HSPA4L: variants seen among roughly 807,000 people sequenced by gnomAD.
HSPA4L encodes heat shock 70 kDa protein 4L.
HSPA4L carries 48 observed loss-of-function variants against 100.3 expected under a neutral mutation model. The ratio of observed to expected loss-of-function variants is 0.48; its 90% CI spans 0.38 to 0.61. The LOEUF (loss-of-function observed/expected upper bound fraction) is 0.61, where lower values mean the gene tolerates loss of function less well. Ranked by LOEUF, HSPA4L falls within the 20% of genes least tolerant of loss-of-function variation. HSPA4L has a pLI of 0.00. For synonymous variants in HSPA4L, 319 were observed against 328.2 expected, an observed-to-expected ratio of 0.97 and a Z score of 0.30; for missense variants, 886 against 988.6, an observed-to-expected ratio of 0.90 and a Z score of 1.39.
At chr4:127,815,554 A>G (rs1340858136) in intron 12 of HSPA4L, among the ~76,000 whole-genome samples, 1 of 152,042 alleles carries the variant, frequency 6.6e-6, no homozygotes, top group Non-Finnish European at 1.5e-5. Flanking sequence ...CAAAGAAACT[A>G]TATGCTATTC....
At chr4:127,782,139 A>T (rs904425687), upstream of HSPA4L, 17 of 442,648 alleles carry the variant, frequency 3.8e-5, no homozygotes, top group South Asian at 1.3e-4. Flanking sequence ...AGCAGCCTCC[A>T]TTTTCCAGAT....
chr4:127,819,104 C>T (rs1467507233), intron 13 of HSPA4L, among the ~76,000 whole-genome samples: 1 of 152,050 alleles, frequency 6.6e-6, no homozygotes, highest in Non-Finnish European at 1.5e-5. Context: ...GTTAGCTGTA[C>T]TCTATATCTC....
chr4:127,831,501 T>TAA lies in HSPA4L; in HGVS notation c.2328+723_2328+724dup, dbSNP rs770152039. ...GGTGACAGAGCAAGACCTTGTCTAT[T>TAA]AAAAAAAAAAAAAAAAAAAAAAGGA... On this transcript the variant is annotated intron_variant, in intron 18 of 18. Coordinates refer to ENST00000296464, the MANE Select transcript of HSPA4L (RefSeq NM_014278.4). Among the ~76,000 whole-genome samples, 684 of 103,392 alleles carry TAA rather than the reference T, an allele frequency of 6.6e-3. 1 individual carries two copies. Among genetic ancestry groups the TAA allele is most frequent in the Non-Finnish European group, 0.011 (553 of 51,464 alleles). The allele number at this position is 103,392 out of a possible 152,430, so 67.8% of individuals were successfully genotyped here.
intron 11 of HSPA4L, among the ~76,000 whole-genome samples, chr4:127,810,713 C>G (rs1008078907): frequency 6.6e-6 from 1 of 152,118 alleles, no homozygotes; most frequent in Admixed American, 6.5e-5. Flanking sequence ...ACCTATGATC[C>G]TGCCACTGCA....
intron 4 of HSPA4L, among the ~76,000 whole-genome samples, chr4:127,800,355 C>T (rs1733141004): frequency 6.6e-6 from 1 of 152,016 alleles, no homozygotes; most frequent in South Asian, 2.1e-4. Flanking sequence ...GTAGTCTCAG[C>T]TACTCAGGGG....
chr4:127,782,243 G>A, upstream of HSPA4L: 1 of 402,820 alleles, frequency 2.5e-6, no homozygotes, highest in South Asian at 2.2e-5. Context: ...GGCGCGGAGC[G>A]GAGGCTCGCG....
intron 14 of HSPA4L, among the ~76,000 whole-genome samples, chr4:127,821,136 C>T (rs1733802557): frequency 6.6e-6 from 1 of 152,068 alleles, no homozygotes; most frequent in African/African-American, 2.4e-5. Context: ...GCTCAGCTGG[C>T]ATTAAAAGGT....
At position 127,820,443 on chromosome 4, in the gene HSPA4L, A is replaced by G; in HGVS notation, c.1690A>G (p.Lys564Glu). 6.3e-7 allele frequency: 1 copy of G among 1,597,568 alleles called. No individual in the cohort carries two copies. The highest frequency in any genetic ancestry group is 8.5e-7 in the Non-Finnish European group (1 of 1,174,862). Residue 564 changes from lysine (K) to glutamate (E), a missense_variant, in exon 14 of 19, where the codon AAA becomes GAA. Lys to Glu is a moderately conservative substitution (Grantham distance 56, BLOSUM62 1). Coordinates refer to ENST00000296464, the MANE Select transcript of HSPA4L (RefSeq NM_014278.4). Reference sequence around the variant, plus strand: ...GGATTTGCAGTCAGCTGTCTCAGACAAACAAGACCGATTAAATCAGACACT... The same window carrying G: ...GGATTTGCAGTCAGCTGTCTCAGACGAACAAGACCGATTAAATCAGACACT... ...GAKTKSAVSD[K>E]QDRLNQTLKK...
chr4:127,820,381 TTTTTAAGCTAA>T (rs1560667674), intron 13 of HSPA4L, 36 bp from the exon 14 acceptor site: 1 of 1,514,014 alleles, frequency 6.6e-7, no homozygotes, highest in Non-Finnish European at 8.9e-7. Flanking sequence ...CTTAAATCTA[TTTTTAAGCTAA>T]TTTTAGAAAT....
intron 12 of HSPA4L, among the ~76,000 whole-genome samples, chr4:127,812,073 A>G (rs1055603881): frequency 6.6e-6 from 1 of 152,150 alleles, no homozygotes. Context: ...GACATCTGAG[A>G]CAGTTAAGCA....
Position 127,834,178 on chromosome 4 carries a change from T to G in HSPA4L, c.*1304T>G, listed in dbSNP as rs1031399581. On this transcript the variant is annotated 3_prime_UTR_variant, in exon 19 of 19. Coordinates refer to ENST00000296464, the MANE Select transcript of HSPA4L (RefSeq NM_014278.4). ...GCTTAAGTATGGGAACAGACTGAAA[T>G]GGTGTTTCAACCTGCAAGAGACAGA... The G allele has an allele frequency of 1.1e-4, 17 of 152,142 alleles. No homozygotes were observed. Among genetic ancestry groups the G allele is most frequent in the African/African-American group, 3.6e-4 (15 of 41,444 alleles). 9.4% of individuals were successfully genotyped at this position (152,142 alleles called of 1,614,324 possible). A position where few individuals can be genotyped will look rare whatever the true frequency, so the allele number is the denominator to read the frequency against.
At chr4:127,824,217 C>T (rs1246413639) in intron 16 of HSPA4L, among the ~76,000 whole-genome samples, 1 of 152,158 alleles carries the variant, frequency 6.6e-6, no homozygotes, top group Admixed American at 6.6e-5. Context: ...TATATGCATA[C>T]CACGTTTTCT....
In HSPA4L at chr4:127,797,601, A is replaced by AT. The variant is rs1351025744; in HGVS notation, c.307-986_307-985insT. ...ATTTATTTCATCTAACTTTAAAAAAAATTTTTTTTTTTTTTTTTGAGACGG... is the reference window on the plus strand; with the variant it reads ...ATTTATTTCATCTAACTTTAAAAAAATATTTTTTTTTTTTTTTTTGAGACGG... On this transcript the variant is annotated intron_variant, in intron 3 of 18. Transcript: ENST00000296464. Among the ~76,000 whole-genome samples the AT allele has an allele frequency of 1.2e-3, 163 of 136,478 alleles. 1 individual carries two copies. The highest frequency in any genetic ancestry group is 4.6e-3 in the African/African-American group (150 of 32,950). The allele number at this position is 136,478 out of a possible 152,430, so 89.5% of individuals were successfully genotyped here. A position where few individuals can be genotyped will look rare whatever the true frequency, so the allele number is the denominator to read the frequency against.
At chr4:127,793,112 C>G (rs962047666) in intron 1 of HSPA4L, among the ~76,000 whole-genome samples, 2 of 152,128 alleles carry the variant, frequency 1.3e-5, no homozygotes, top group Non-Finnish European at 2.9e-5. Context: ...CATCAGAGAA[C>G]AGCAGAGTTT....
rs36056172 is a variant in HSPA4L, at chr4:127,808,083, A to G, written c.1332A>G (p.Ala444=). ...FHKKEPFELE[A]FYTNLHEVPY... ...AGAAGGAACCATTTGAACTAGAAGCATTTTATACTAATTTACATGAAGTGC... is the reference window on the plus strand; with the variant it reads ...AGAAGGAACCATTTGAACTAGAAGCGTTTTATACTAATTTACATGAAGTGC... Residue 444 remains alanine, a synonymous_variant, in exon 11 of 19, where the codon GCA becomes GCG. Coordinates refer to ENST00000296464, the MANE Select transcript of HSPA4L (RefSeq NM_014278.4). 9.6e-4 allele frequency: 1,543 copies of G among 1,612,670 alleles called. 17 individuals are homozygous for G. The African/African-American group carries it at 0.019, about 20-fold the overall frequency.
At position 127,823,629 on chromosome 4, in the gene HSPA4L, AT is replaced by A; in HGVS notation, c.2046+12del. Reference sequence around the variant, plus strand: ...GATAAGCTTCAAGAACTAAAGGTACATTTTTTTAAAGTCCATGTTAGTATAA... The same window carrying A: ...GATAAGCTTCAAGAACTAAAGGTACATTTTTTAAAGTCCATGTTAGTATAA... On this transcript the variant is annotated splice_donor_region_variant and intron_variant, in intron 16 of 18. Transcript: ENST00000296464. The A allele has an allele frequency of 3.8e-6, 6 of 1,586,016 alleles. No homozygotes were observed. The highest frequency in any genetic ancestry group is 5.2e-6 in the Non-Finnish European group (6 of 1,155,118).
At chr4:127,812,432 A>C (rs923980893) in intron 12 of HSPA4L, among the ~76,000 whole-genome samples, 13 of 151,654 alleles carry the variant, frequency 8.6e-5, no homozygotes, top group South Asian at 2.1e-4. Context: ...AAAAAAAAAA[A>C]CAGATTTTTT....
intron 12 of HSPA4L, among the ~76,000 whole-genome samples, chr4:127,815,052 T>TA (rs1350819744): frequency 3.3e-5 from 5 of 152,170 alleles, no homozygotes; most frequent in Non-Finnish European, 7.3e-5. Flanking sequence ...TTCTTCTTTT[T>TA]ACTCTATCCT....
chr4:127,807,638 C>T (rs1733399048), intron 10 of HSPA4L, among the ~76,000 whole-genome samples: 2 of 151,928 alleles, frequency 1.3e-5, no homozygotes, highest in African/African-American at 4.8e-5. Context: ...TAAAGGTAGC[C>T]AGAATTAAAA....
Sources: gnomAD v4.1 joint callset for allele counts (sites outside exome capture counted in the v4.1 genomes callset) on GRCh38, gnomAD v4.1.1 for gene constraint, MANE v1.5 for transcripts, NCBI Gene and HGNC (gene_info 2026-07-23, HGNC 2026-07-21) for gene names.